The following TRIM9 variants were observed in gnomAD, a reference collection of about 807,000 sequenced individuals.
The protein encoded by TRIM9 is tripartite motif containing 9.
In TRIM9, 26 loss-of-function variants were observed where a neutral mutation model predicts 78.3. That is an observed-to-expected ratio of 0.33 (90% CI 0.24 to 0.46). TRIM9 has a LOEUF of 0.46. Ranked by LOEUF, TRIM9 falls within the 20% of genes least tolerant of loss-of-function variation. The probability of loss-of-function intolerance (pLI) is 1.00; values close to 1 mark genes in which losing one functional copy is unlikely to be tolerated. For missense variants in TRIM9, 787 were observed against 1,036.4 expected (o/e 0.76, Z 3.30); for synonymous variants, 398 against 416.5 (o/e 0.96, Z 0.54).
intron 2 of TRIM9, among the ~76,000 whole-genome samples, chr14:51,024,163 T>A (rs1340945586): frequency 1.3e-5 from 2 of 152,110 alleles, no homozygotes; most frequent in Non-Finnish European, 2.9e-5. Context: ...GGGGAAACCT[T>A]CTCCTTGTAA....
chr14:51,092,747 T>C (rs992555387), intron 1 of TRIM9, among the ~76,000 whole-genome samples: 1 of 152,208 alleles, frequency 6.6e-6, no homozygotes, highest in African/African-American at 2.4e-5. Flanking sequence ...TTCTTCCTCA[T>C]GAGGCTTATT....
At chr14:51,092,594 T>A (rs2064462293) in intron 1 of TRIM9, among the ~76,000 whole-genome samples, 1 of 152,048 alleles carries the variant, frequency 6.6e-6, no homozygotes, top group African/African-American at 2.4e-5. Context: ...AAAGAAAAGC[T>A]CCTTCCAACC....
In TRIM9 at chr14:51,016,886, C is replaced by T. The variant is rs146139747; in HGVS notation, c.1041+5949G>A. ...TTGGTTGAATTCATGGATGCAAAAC[C>T]CATGGATATGGAGGGCTGACTGTAC... On this transcript the variant is annotated intron_variant, in intron 3 of 12. Coordinates refer to ENST00000684578, the MANE Select transcript of TRIM9 (RefSeq NM_001387360.1). Among the ~76,000 whole-genome samples, 395 of 152,242 alleles carry T rather than the reference C, an allele frequency of 2.6e-3. 4 individuals are homozygous for T. The South Asian group carries it at 0.03, about 12-fold the overall frequency.
intron 1 of TRIM9, among the ~76,000 whole-genome samples, chr14:51,034,019 A>G (rs927852616): frequency 6.6e-6 from 1 of 152,262 alleles, no homozygotes; most frequent in Non-Finnish European, 1.5e-5. Context: ...TGTGAACTAG[A>G]TGCTCTGACC....
At chr14:51,071,387 G>A (rs200497729) in intron 1 of TRIM9, among the ~76,000 whole-genome samples, 4,294 of 113,158 alleles carry the variant, frequency 0.038, no homozygotes, top group East Asian at 0.064. Context: ...AAAAAAAAAA[G>A]AAAAAAAAAA....
intron 1 of TRIM9, among the ~76,000 whole-genome samples, chr14:51,045,106 A>G (rs1251477718): frequency 1.3e-5 from 2 of 152,174 alleles, no homozygotes; most frequent in Non-Finnish European, 2.9e-5. Context: ...GAGCTGTTCA[A>G]GACTCATTGG....
chr14:51,085,231 A>G (rs987366041), intron 1 of TRIM9, among the ~76,000 whole-genome samples: 2 of 152,244 alleles, frequency 1.3e-5, no homozygotes, highest in Admixed American at 1.3e-4. Flanking sequence ...CTACCCAGCT[A>G]GAAAGTCAGT....
chr14:51,000,973 G>GGGA, intron 5 of TRIM9, 133 bp from the exon 6 acceptor site: 3 of 1,056,978 alleles, frequency 2.8e-6, no homozygotes, highest in Non-Finnish European at 4.1e-6. Context: ...AACTGAACAG[G>GGGA]ATCCTTCACA....
At position 51,094,909 on chromosome 14, in the gene TRIM9, G is replaced by A. The variant is rs1405095285; in HGVS notation, c.31C>T (p.Pro11Ser). 2 of 1,505,810 alleles carry A rather than the reference G, an allele frequency of 1.3e-6. No individual in the cohort carries two copies. Among genetic ancestry groups the A allele is most frequent in the South Asian group, 2.8e-5 (2 of 71,518 alleles). 93.3% of individuals were successfully genotyped at this position (1,505,810 alleles called of 1,614,324 possible). The part of the protein sequence containing the change: MEEMEEELKC[P>S]VCGSFYREPI... ...TCCCGATAGAAGGAGCCGCACACGG[G>A]GCATTTCAACTCCTCTTCCATCTCC... The change falls in exon 1 of 13, where the codon CCC becomes TCC. Residue 11 changes from proline (P) to serine (S), a missense_variant. By Grantham distance (74) the Pro-to-Ser change is moderately conservative. Transcript: ENST00000684578.
intron 1 of TRIM9, among the ~76,000 whole-genome samples, chr14:51,036,496 A>T (rs561981612): frequency 1.3e-5 from 2 of 152,292 alleles, no homozygotes; most frequent in Admixed American, 6.5e-5. Context: ...GCTCAACCAG[A>T]AACAGAAACT....
chr14:51,004,334 A>G (rs2055478491), intron 5 of TRIM9, among the ~76,000 whole-genome samples: 1 of 152,208 alleles, frequency 6.6e-6, no homozygotes, highest in African/African-American at 2.4e-5. Flanking sequence ...CTGTGGTTCA[A>G]AATTAAATTT....
At chr14:51,042,909 GT>G (rs2059677267) in intron 1 of TRIM9, among the ~76,000 whole-genome samples, 1 of 152,080 alleles carries the variant, frequency 6.6e-6, no homozygotes, top group South Asian at 2.1e-4. Flanking sequence ...GTTCTACTCT[GT>G]TCTAGGAATG....
intron 1 of TRIM9, among the ~76,000 whole-genome samples, chr14:51,087,211 G>A (rs1232951274): frequency 6.6e-6 from 1 of 151,986 alleles, no homozygotes; most frequent in Non-Finnish European, 1.5e-5. Flanking sequence ...CAAGCGTAGT[G>A]GACAGGAAGG....
chr14:51,088,417 A>G (rs1052617216), intron 1 of TRIM9, among the ~76,000 whole-genome samples: 4 of 152,228 alleles, frequency 2.6e-5, no homozygotes, highest in African/African-American at 9.6e-5. Context: ...GAGAGTCTCA[A>G]ACTTATTTAA....
intron 1 of TRIM9, among the ~76,000 whole-genome samples, chr14:51,031,493 A>G (rs1049245454): frequency 6.6e-6 from 1 of 152,186 alleles, no homozygotes; most frequent in Non-Finnish European, 1.5e-5. Context: ...TGGATTTCAT[A>G]CAGACTGATT....
chr14:50,985,940 G>A lies in TRIM9; in HGVS notation c.1792+16C>T, dbSNP rs760150933. The A allele has an allele frequency of 1.7e-5, 25 of 1,510,000 alleles. No homozygotes were observed. The highest frequency in any genetic ancestry group is 2.2e-5 in the Non-Finnish European group (25 of 1,126,744). The allele number at this position is 1,510,000 out of a possible 1,614,324, so 93.5% of individuals were successfully genotyped here. ...GCACAGAGATCAAGGGGAAAGGTCT[G>A]AGGAGCTCAGCTCACCCGGTGCATT... On this transcript the variant is annotated intron_variant, in intron 8 of 12. Transcript: ENST00000684578.
At chr14:50,986,754 G>C (rs1190756575) in intron 7 of TRIM9, among the ~76,000 whole-genome samples, 1 of 152,204 alleles carries the variant, frequency 6.6e-6, no homozygotes, top group East Asian at 1.9e-4. Context: ...AGCAGGGAAA[G>C]AGCCTTACCT....
intron 11 of TRIM9, among the ~76,000 whole-genome samples, chr14:50,981,393 T>C (rs2051873170): frequency 6.6e-6 from 1 of 152,214 alleles, no homozygotes; most frequent in Admixed American, 6.5e-5. Context: ...TTCAGAAGAT[T>C]CCCACAAGGA....
intron 1 of TRIM9, chr14:51,091,391 A>C (rs1392025425): frequency 6.6e-6 from 1 of 152,202 alleles, no homozygotes; most frequent in Non-Finnish European, 1.5e-5. Flanking sequence ...TATGAATGAC[A>C]ACTTTTCAGG....
Sources: allele counts gnomAD v4.1 joint callset (sites outside exome capture counted in the v4.1 genomes callset), GRCh38; gene constraint gnomAD v4.1.1; transcripts MANE v1.5; gene names NCBI Gene and HGNC (gene_info 2026-07-23, HGNC 2026-07-21).